The following MRTFB variants were observed in gnomAD, a reference collection of about 807,000 sequenced individuals.
The protein encoded by MRTFB is myocardin-related transcription factor B.
In MRTFB, 29 loss-of-function variants were observed where a neutral mutation model predicts 104.2. That is an observed-to-expected ratio of 0.28 (90% CI 0.21 to 0.38). The LOEUF (loss-of-function observed/expected upper bound fraction) is 0.38. MRTFB is among the 10% of genes least tolerant of loss of function. The probability of loss-of-function intolerance (pLI) is 1.00; values close to 1 mark genes in which losing one functional copy is unlikely to be tolerated. For synonymous variants in MRTFB, 535 were observed against 519.5 expected (o/e 1.03, Z -0.41); for missense variants, 1,270 against 1,341.6 (o/e 0.95, Z 0.83).
the MRTFB span, among the ~76,000 whole-genome samples, chr16:14,055,406 A>T: frequency 1.3e-5 from 2 of 152,222 alleles, no homozygotes; most frequent in African/African-American, 2.4e-5. Flanking sequence ...TAACTAATCT[A>T]TCGACTGTAT....
chr16:14,107,780 C>CAGTT (rs1440089923), intron 2 of MRTFB, among the ~76,000 whole-genome samples: 1 of 152,162 alleles, frequency 6.6e-6, no homozygotes, highest in African/African-American at 2.4e-5. Flanking sequence ...ACATGGGGAA[C>CAGTT]AGTTGCTGGA....
intron 3 of MRTFB, among the ~76,000 whole-genome samples, chr16:14,155,059 C>G (rs934400285): frequency 1.3e-5 from 2 of 152,222 alleles, no homozygotes; most frequent in African/African-American, 4.8e-5. Flanking sequence ...CAATTGAGTT[C>G]AAATCTATCA....
intron 2 of MRTFB, among the ~76,000 whole-genome samples, chr16:14,138,830 A>G (rs888379486): frequency 6.6e-6 from 1 of 152,244 alleles, no homozygotes; most frequent in Non-Finnish European, 1.5e-5. Flanking sequence ...TAATAAAGAC[A>G]ATCTTGTCAA....
Position 14,240,343 on chromosome 16 carries a change from A to T in MRTFB, c.938A>T (p.Gln313Leu), listed in dbSNP as rs753178172. The T allele has an allele frequency of 1.2e-6, 2 of 1,614,238 alleles. No homozygotes were observed. Among genetic ancestry groups the T allele is most frequent in the Non-Finnish European group, 1.7e-6 (2 of 1,180,038 alleles). Residue 313 changes from glutamine (Q) to leucine (L), a missense_variant, in exon 10 of 17, where the codon CAG becomes CTG. This residue lies in a region of MRTFB where 1,144 missense variants were observed against 1,131.5 expected (regional missense o/e 1.01). Coordinates refer to ENST00000571589, the MANE Select transcript of MRTFB (RefSeq NM_001308142.2). ...LKYHQYIPPD[Q>L]KGEKNEPQMD... ...TACCACCAATACATTCCACCAGATC[A>T]GAAGGGTGAGAAGAATGAGCCGCAG...
chr16:14,101,651 C>T (rs2035707735), intron 2 of MRTFB, among the ~76,000 whole-genome samples: 1 of 152,066 alleles, frequency 6.6e-6, no homozygotes, highest in Non-Finnish European at 1.5e-5. Context: ...ATAGTTTTGG[C>T]AAGTGTTGCT....
intron 3 of MRTFB, chr16:14,143,066 C>T (rs1191447025): frequency 6.6e-6 from 1 of 151,904 alleles, no homozygotes; most frequent in East Asian, 1.9e-4. Flanking sequence ...CATCATCCAT[C>T]TAGCACTAAT....
intron 1 of MRTFB, among the ~76,000 whole-genome samples, chr16:14,073,297 C>G (rs932139428): frequency 6.6e-6 from 1 of 152,180 alleles, no homozygotes; most frequent in Non-Finnish European, 1.5e-5. Context: ...TCTTTTAGAT[C>G]CAGGCCCCCC....
chr16:14,015,863 T>C, the MRTFB span: 2 of 398,640 alleles, frequency 5.0e-6, no homozygotes, highest in Non-Finnish European at 8.8e-6. Context: ...TGTACTTACC[T>C]GTGCTTACAG....
the MRTFB span, among the ~76,000 whole-genome samples, chr16:14,057,940 G>A: frequency 6.6e-6 from 1 of 152,228 alleles, no homozygotes; most frequent in East Asian, 1.9e-4. Context: ...GGCCTGTTTG[G>A]GATCCTGCCA....
chr16:14,174,663 A>T (rs12102604), intron 3 of MRTFB, among the ~76,000 whole-genome samples: 1 of 152,092 alleles, frequency 6.6e-6, no homozygotes, highest in Non-Finnish European at 1.5e-5. Context: ...ATCCTGGGCC[A>T]CAGAGTGAAA....
intron 2 of MRTFB, among the ~76,000 whole-genome samples, chr16:14,082,646 C>T (rs373049605): frequency 6.6e-6 from 1 of 151,942 alleles, no homozygotes; most frequent in East Asian, 1.9e-4. Context: ...CAGGTGTGGT[C>T]ATTTGTACCT....
intron 6 of MRTFB, among the ~76,000 whole-genome samples, 157 bp downstream of exon 6, chr16:14,213,777 G>T (rs942792526): frequency 6.6e-6 from 1 of 152,034 alleles, no homozygotes; most frequent in Non-Finnish European, 1.5e-5. Context: ...ACTAAAACAT[G>T]TTAGATACAC....
intron 3 of MRTFB, among the ~76,000 whole-genome samples, chr16:14,157,520 G>A (rs1162410436): frequency 2.6e-5 from 4 of 152,130 alleles, no homozygotes; most frequent in Admixed American, 1.3e-4. Context: ...ACCCCTTACT[G>A]CCCACATGAG....
intron 3 of MRTFB, among the ~76,000 whole-genome samples, chr16:14,179,044 A>T (rs1413133290): frequency 6.6e-6 from 1 of 152,222 alleles, no homozygotes; most frequent in East Asian, 1.9e-4. Context: ...CACCAGCCAG[A>T]TGACTTAATT....
chr16:14,110,294 G>A (rs1273354537), intron 2 of MRTFB, among the ~76,000 whole-genome samples: 2 of 152,206 alleles, frequency 1.3e-5, no homozygotes, highest in Non-Finnish European at 2.9e-5. Flanking sequence ...TGGTTCCCTG[G>A]TAGAGTTTTT....
intron 3 of MRTFB, among the ~76,000 whole-genome samples, chr16:14,197,834 G>A (rs761172426): frequency 6.6e-5 from 10 of 152,132 alleles, no homozygotes; most frequent in Non-Finnish European, 1.2e-4. Flanking sequence ...TGGAATTATG[G>A]TGGTGAGAGG....
chr16:14,112,443 A>G (rs2036321787), intron 2 of MRTFB, among the ~76,000 whole-genome samples: 1 of 152,210 alleles, frequency 6.6e-6, no homozygotes, highest in Non-Finnish European at 1.5e-5. Flanking sequence ...AGTGGTTTGG[A>G]AACAACAGTG....
chr16:14,202,670 C>T (rs2040760990), intron 3 of MRTFB, among the ~76,000 whole-genome samples: 1 of 152,154 alleles, frequency 6.6e-6, no homozygotes, highest in African/African-American at 2.4e-5. Context: ...TAGCCACCAC[C>T]ATTTTAAACA....
intron 8 of MRTFB, 142 bp downstream of exon 8, chr16:14,219,140 G>T: frequency 1.3e-6 from 1 of 773,812 alleles, no homozygotes. Context: ...GCACTTAACT[G>T]CCCTCCAGGA....
Sources: allele counts gnomAD v4.1 joint callset (sites outside exome capture counted in the v4.1 genomes callset), GRCh38; gene constraint gnomAD v4.1.1; regional missense constraint gnomAD v4.1.1; transcripts MANE v1.5; gene names NCBI Gene and HGNC (gene_info 2026-07-23, HGNC 2026-07-21).